Variants in NRG1 observed in about 807,000 individuals in gnomAD.
NRG1 encodes the protein pro-neuregulin-1, membrane-bound isoform.
A neutral mutation model predicts 63.8 loss-of-function variants in NRG1; 18 were observed. That is an observed-to-expected ratio of 0.28 (90% CI 0.19 to 0.42). The LOEUF (loss-of-function observed/expected upper bound fraction) is 0.42. NRG1 is among the 10% of genes least tolerant of loss of function. The pLI, the probability that NRG1 is intolerant of heterozygous loss-of-function variation, is 1.00. For synonymous variants in NRG1, 302 were observed against 301.3 expected (o/e 1.00, Z -0.02); for missense variants, 762 against 814.7 (o/e 0.94, Z 0.79).
intron 1 of NRG1, among the ~76,000 whole-genome samples, chr8:32,135,940 C>G (rs1362131867): frequency 6.6e-6 from 1 of 151,200 alleles, no homozygotes; most frequent in African/African-American, 2.4e-5. Flanking sequence ...GAAAACCAAA[C>G]AGCCATGCGG....
At chr8:32,192,911 AT>A (rs201178675) in intron 1 of NRG1, among the ~76,000 whole-genome samples, 6 of 150,888 alleles carry the variant, frequency 4.0e-5, no homozygotes, top group African/African-American at 1.2e-4. Context: ...ACCTTACTCT[AT>A]TTTTTTTTCT....
intron 1 of NRG1, among the ~76,000 whole-genome samples, chr8:31,691,437 T>C (rs538209267): frequency 6.6e-6 from 1 of 151,130 alleles, no homozygotes; most frequent in South Asian, 2.1e-4. Flanking sequence ...CTACTAAAAA[T>C]ACAAAAAATT....
chr8:32,301,362 T>C (rs964517738), intron 1 of NRG1, among the ~76,000 whole-genome samples: 2 of 152,208 alleles, frequency 1.3e-5, no homozygotes, highest in Non-Finnish European at 2.9e-5. Flanking sequence ...TTGGTATACA[T>C]ACCTGCAGAC....
At chr8:32,288,418 C>G (rs914214756) in intron 1 of NRG1, among the ~76,000 whole-genome samples, 1 of 152,140 alleles carries the variant, frequency 6.6e-6, no homozygotes, top group African/African-American at 2.4e-5. Context: ...TAAAATTTAA[C>G]AAATCTGTAG....
intron 1 of NRG1, among the ~76,000 whole-genome samples, chr8:32,524,123 T>TA (rs962679831): frequency 4.0e-5 from 6 of 151,774 alleles, no homozygotes; most frequent in Non-Finnish European, 5.9e-5. Context: ...TCTGTTTCTA[T>TA]AAAAAACACA....
At chr8:32,368,714 C>G (rs1209568655) in intron 1 of NRG1, among the ~76,000 whole-genome samples, 1 of 152,156 alleles carries the variant, frequency 6.6e-6, no homozygotes, top group Non-Finnish European at 1.5e-5. Flanking sequence ...TCTCATTCTT[C>G]TTTGCTCAAC....
chr8:32,309,313 AC>A (rs919815394), intron 1 of NRG1, among the ~76,000 whole-genome samples: 4 of 151,256 alleles, frequency 2.6e-5, no homozygotes, highest in South Asian at 2.1e-4. Context: ...GTGGTTTTAC[AC>A]CCCCCCACCC....
intron 1 of NRG1, among the ~76,000 whole-genome samples, chr8:32,264,169 C>CA (rs1162946840): frequency 6.6e-6 from 1 of 152,156 alleles, no homozygotes; most frequent in African/African-American, 2.4e-5. Context: ...GACACAGCCA[C>CA]AAAAAACTCC....
chr8:32,326,038 T>G, intron 1 of NRG1, among the ~76,000 whole-genome samples: 1 of 148,470 alleles, frequency 6.7e-6, no homozygotes, highest in Non-Finnish European at 1.5e-5. Flanking sequence ...TGATATGGAG[T>G]CTCTGTCTGT....
chr8:32,136,414 C>T (rs1227294828), intron 1 of NRG1, among the ~76,000 whole-genome samples: 3 of 152,166 alleles, frequency 2.0e-5, no homozygotes, highest in Non-Finnish European at 4.4e-5. Context: ...CCCAAAGTCT[C>T]ATGTCCCCTG....
At chr8:32,343,529 A>G (rs1565030) in intron 1 of NRG1, among the ~76,000 whole-genome samples, 130,917 of 152,130 alleles carry the variant, frequency 0.86, 56,641 homozygotes, top group Middle Eastern at 0.92. Flanking sequence ...TTAAATGTCC[A>G]TTTACTCACA....
chr8:32,552,160 C>T (rs189583328), intron 1 of NRG1, among the ~76,000 whole-genome samples: 78 of 150,178 alleles, frequency 5.2e-4, no homozygotes, highest in African/African-American at 1.8e-3. Flanking sequence ...CCACATGCCT[C>T]GGCCTCCCAA....
intron 1 of NRG1, among the ~76,000 whole-genome samples, chr8:31,873,473 C>T (rs956542941): frequency 2.0e-5 from 3 of 152,092 alleles, no homozygotes; most frequent in Non-Finnish European, 4.4e-5. Flanking sequence ...GCAGGAGAAT[C>T]GCTTGAACCT....
chr8:31,995,754 G>A (rs1049574909), intron 1 of NRG1, among the ~76,000 whole-genome samples: 1 of 151,852 alleles, frequency 6.6e-6, no homozygotes, highest in Non-Finnish European at 1.5e-5. Context: ...CAGTGGAGTT[G>A]GAGAGGAAAC....
chr8:32,642,832 A>G (rs1439649243), intron 5 of NRG1, among the ~76,000 whole-genome samples: 1 of 152,212 alleles, frequency 6.6e-6, no homozygotes, highest in Non-Finnish European at 1.5e-5. Context: ...AGATACAGGA[A>G]AAAAGTCAAA....
intron 1 of NRG1, among the ~76,000 whole-genome samples, chr8:31,689,714 G>A (rs1479654440): frequency 1.3e-5 from 2 of 151,932 alleles, no homozygotes; most frequent in Admixed American, 6.6e-5. Flanking sequence ...TACCTATTAT[G>A]GCTAACTATT....
chr8:32,131,886 C>A (rs1834865960), intron 1 of NRG1, among the ~76,000 whole-genome samples: 1 of 151,992 alleles, frequency 6.6e-6, no homozygotes, highest in Non-Finnish European at 1.5e-5. Context: ...TATCTGCAGC[C>A]CTCTTATTAA....
At chr8:31,812,302 G>C (rs192657644) in intron 1 of NRG1, among the ~76,000 whole-genome samples, 46 of 152,276 alleles carry the variant, frequency 3.0e-4, no homozygotes, top group African/African-American at 1.1e-3. Context: ...ACAAGTTGCT[G>C]GTTGTCATTT....
chr8:31,785,171 A>G (rs779951137), intron 1 of NRG1, among the ~76,000 whole-genome samples: 4 of 152,146 alleles, frequency 2.6e-5, no homozygotes, highest in Admixed American at 6.6e-5. Context: ...GAGAAAAATG[A>G]TAAGACAGGC....
Sources: allele counts gnomAD v4.1 joint callset (sites outside exome capture counted in the v4.1 genomes callset), GRCh38; gene constraint gnomAD v4.1.1; transcripts MANE v1.5; gene names NCBI Gene and HGNC (gene_info 2026-07-23, HGNC 2026-07-21).